The following PDE2A variants were observed in gnomAD, a reference collection of about 807,000 sequenced individuals.
PDE2A encodes cGMP-dependent 3',5'-cyclic phosphodiesterase.
In PDE2A, 53 loss-of-function variants were observed where a neutral mutation model predicts 133.6. That is an observed-to-expected ratio of 0.40 (90% CI 0.32 to 0.50). The LOEUF is 0.50. Among genes scored for constraint, PDE2A ranks in the 20% least tolerant of loss-of-function variants. The pLI is 0.73. For missense variants in PDE2A, 796 were observed against 1,232.4 expected (o/e 0.65, Z 5.30); for synonymous variants, 491 against 490.2 (o/e 1.00, Z -0.02).
chr11:72,584,238 G>A lies in PDE2A; in HGVS notation c.1613C>T (p.Thr538Met), dbSNP rs752109216. ...GATGCCGCAGTAGATGGAGAAGGCCGTCGCCAGGTCCTCGTCGAACTTGCT... is the reference window on the plus strand; with the variant it reads ...GATGCCGCAGTAGATGGAGAAGGCCATCGCCAGGTCCTCGTCGAACTTGCT... ...WFSKFDEDLA[T>M]AFSIYCGISI... The change falls in exon 19 of 31, where the codon ACG becomes ATG. Residue 538 changes from threonine to methionine, a missense_variant. Physicochemically the swap from Thr to Met is moderately conservative, Grantham distance 81. Coordinates refer to ENST00000334456, the MANE Select transcript of PDE2A (RefSeq NM_002599.5). 14 of 1,579,898 alleles carry A rather than the reference G, an allele frequency of 8.9e-6. No individual in the cohort carries two copies. In the South Asian group the frequency reaches 1.3e-4, roughly 15 times the overall value.
rs114140121 is a variant in PDE2A at position 72,586,355 on chromosome 11, G to C, written c.1071-174C>G. On this transcript the variant is annotated intron_variant, in intron 13 of 30. Transcript: ENST00000334456. ...CCCATGACCCTGCAGACTGGGGGCT[G>C]CCCAAGGGGAGGGCTCCAGTCCTCC... 4.9e-3 allele frequency among the ~76,000 whole-genome samples: 753 copies of C among 152,300 alleles called. 3 individuals are homozygous for C. Among genetic ancestry groups the C allele is most frequent in the African/African-American group, 0.017 (721 of 41,554 alleles).
chr11:72,653,057 C>T (rs1050667413), intron 1 of PDE2A, among the ~76,000 whole-genome samples: 7 of 152,216 alleles, frequency 4.6e-5, no homozygotes, highest in African/African-American at 1.4e-4. Context: ...TCTAAGCACC[C>T]GTCGCTATGG....
At chr11:72,635,186 A>G (rs1344501810) in intron 2 of PDE2A, among the ~76,000 whole-genome samples, 1 of 152,194 alleles carries the variant, frequency 6.6e-6, no homozygotes, top group Admixed American at 6.5e-5. Context: ...TCTCGAATGT[A>G]CACACACCAG....
chr11:72,642,569 C>T (rs1181764203), intron 1 of PDE2A: 6 of 213,348 alleles, frequency 2.8e-5, no homozygotes, highest in Non-Finnish European at 4.0e-5. Flanking sequence ...TCGGATCCTC[C>T]GACCCCACCG....
Position 72,644,856 on chromosome 11 carries a change from A to G in PDE2A, c.72-2530T>C, listed in dbSNP as rs1237725871. On this transcript the variant is annotated intron_variant, in intron 1 of 30. Coordinates refer to ENST00000334456, the MANE Select transcript of PDE2A (RefSeq NM_002599.5). The stretch of plus-strand genomic sequence containing the variant: ...ACTGCAACCTCCGCCTCCCGGGTTC[A>G]AGCAATTCTCCTGCCTCAGCCTCCC... Among the ~76,000 whole-genome samples the G allele has an allele frequency of 2.6e-5, 4 of 152,190 alleles. No individual in the cohort carries two copies. The East Asian group carries it at 7.7e-4, about 29-fold the overall frequency.
intron 1 of PDE2A, among the ~76,000 whole-genome samples, 172 bp downstream of exon 1, chr11:72,673,965 C>G (rs926158435): frequency 6.6e-6 from 1 of 152,182 alleles, no homozygotes; most frequent in African/African-American, 2.4e-5. Context: ...TAACCTGCCC[C>G]CACCCCAGGC....
chr11:72,581,068 A>G, intron 23 of PDE2A, 95 bp from the exon 24 acceptor site: 2 of 902,060 alleles, frequency 2.2e-6, no homozygotes, highest in Non-Finnish European at 3.6e-6. Context: ...CATGCCCAGG[A>G]GCCACTGGGA....
In PDE2A at chr11:72,577,347, G is replaced by A; in HGVS notation, c.*37C>T. On this transcript the variant is annotated 3_prime_UTR_variant, in exon 31 of 31. Coordinates refer to ENST00000334456, the MANE Select transcript of PDE2A (RefSeq NM_002599.5). ...CTGGCCAGACCAGTGGAGGGCTGTG[G>A]GAGGTGGCCTGGGCAGGGAAGTGTC... 6.6e-7 allele frequency: 1 copy of A among 1,517,114 alleles called. No homozygotes were observed. The highest frequency in any genetic ancestry group is 9.1e-7 in the Non-Finnish European group (1 of 1,099,922). 94.0% of individuals were successfully genotyped at this position (1,517,114 alleles called of 1,614,324 possible). A position where few individuals can be genotyped will look rare whatever the true frequency, so the allele number is the denominator to read the frequency against.
chr11:72,591,841 TG>T (rs1856266099), intron 6 of PDE2A, among the ~76,000 whole-genome samples: 1 of 152,210 alleles, frequency 6.6e-6, no homozygotes, highest in South Asian at 2.1e-4. Flanking sequence ...AATGAATAAA[TG>T]GATAAATGGG....
intron 2 of PDE2A, among the ~76,000 whole-genome samples, chr11:72,619,801 G>C (rs1380510556): frequency 6.6e-6 from 1 of 152,082 alleles, no homozygotes; most frequent in African/African-American, 2.4e-5. Flanking sequence ...TCAGATGCGG[G>C]CTCATCTGCC....
In PDE2A at chr11:72,584,569, T is replaced by C; in HGVS notation, c.1519A>G (p.Ile507Val). 1.2e-6 allele frequency: 2 copies of C among 1,611,544 alleles called. No individual in the cohort carries two copies. Among genetic ancestry groups the C allele is most frequent in the African/African-American group, 1.3e-5 (1 of 75,012 alleles). ...CGCGCACCCTGGTTCTCGTTCTTGA[T>C]GGGGAAGCAGAGGATGTTGCGCGTG... ...FRTRNILCFP[I>V]KNENQEVIGV... Residue 507 changes from isoleucine (I) to valine (V), a missense_variant, in exon 18 of 31, where the codon ATC becomes GTC. Coordinates refer to ENST00000334456, the MANE Select transcript of PDE2A (RefSeq NM_002599.5).
chr11:72,614,720 G>A (rs1857376215), intron 2 of PDE2A, among the ~76,000 whole-genome samples: 1 of 152,148 alleles, frequency 6.6e-6, no homozygotes, highest in South Asian at 2.1e-4. Context: ...TGCCTGTTTG[G>A]GTCATCCCAT....
Position 72,590,149 on chromosome 11 carries a change from G to T in PDE2A, c.756+43C>A. 1 of 1,526,194 alleles carries T rather than the reference G, an allele frequency of 6.6e-7. No homozygotes were observed. The highest frequency in any genetic ancestry group is 8.9e-7 in the Non-Finnish European group (1 of 1,126,088). The allele number at this position is 1,526,194 out of a possible 1,614,324, so 94.5% of individuals were successfully genotyped here. Reference sequence around the variant, plus strand: ...TCAAGGGGAAGTTGGTCCCCGGAGGGAGACAGGACGGGGAGGTGGCCGGCA... The same window carrying T: ...TCAAGGGGAAGTTGGTCCCCGGAGGTAGACAGGACGGGGAGGTGGCCGGCA... On this transcript the variant is annotated intron_variant, in intron 9 of 30. Coordinates refer to ENST00000334456, the MANE Select transcript of PDE2A (RefSeq NM_002599.5). This position sits in a 1 kb window ranked among gnomAD's most constrained non-coding sequence, Gnocchi z 4.8.
At chr11:72,592,202 G>A (rs1019939236) in intron 6 of PDE2A, among the ~76,000 whole-genome samples, 37 of 152,126 alleles carry the variant, frequency 2.4e-4, no homozygotes, top group African/African-American at 8.9e-4. Context: ...TGGCAGCCTA[G>A]GGACCCACTA....
intron 1 of PDE2A, 161 bp from the exon 2 acceptor site, chr11:72,642,487 C>A: frequency 1.4e-6 from 1 of 740,616 alleles, no homozygotes. Flanking sequence ...CCCCGGCCCG[C>A]CCCCCGCCCG....
chr11:72,643,094 C>T (rs918467795), intron 1 of PDE2A: 1 of 152,716 alleles, frequency 6.5e-6, no homozygotes, highest in Admixed American at 6.5e-5. Flanking sequence ...GGCCCCAGGG[C>T]CACACGGTCC....
chr11:72,645,431 T>C (rs529802083), intron 1 of PDE2A, among the ~76,000 whole-genome samples: 9 of 152,242 alleles, frequency 5.9e-5, no homozygotes, highest in African/African-American at 1.4e-4. Context: ...GCTCCTTGAG[T>C]TGGCACATTT....
intron 26 of PDE2A, 27 bp downstream of exon 26, chr11:72,579,507 T>TGGCCCCC: frequency 7.4e-7 from 1 of 1,354,174 alleles, no homozygotes; most frequent in Non-Finnish European, 1.0e-6. Flanking sequence ...TCCCCCTCAA[T>TGGCCCCC]CCCCACCCCA....
At chr11:72,604,870 G>T (rs1856904343) in intron 4 of PDE2A, among the ~76,000 whole-genome samples, 1 of 152,216 alleles carries the variant, frequency 6.6e-6, no homozygotes, top group African/African-American at 2.4e-5. Context: ...CTCTGAGGAG[G>T]CTGCAGCCAT....
Sources: allele counts gnomAD v4.1 joint callset (sites outside exome capture counted in the v4.1 genomes callset), GRCh38; gene constraint gnomAD v4.1.1; non-coding constraint Gnocchi (gnomAD v3.1); transcripts MANE v1.5; gene names NCBI Gene and HGNC (gene_info 2026-07-23, HGNC 2026-07-21).